The following TAS2R1 variants were observed in gnomAD, a reference collection of about 807,000 sequenced individuals.
TAS2R1 encodes the protein taste receptor type 2 member 1.
For missense variants in TAS2R1, 370 were observed against 353.4 expected, an observed-to-expected ratio of 1.05 and a Z score of -0.38; for synonymous variants, 141 against 134.2, an observed-to-expected ratio of 1.05 and a Z score of -0.35.
intron 1 of TAS2R1, among the ~76,000 whole-genome samples, chr5:9,660,662 A>C (rs1268161101): frequency 6.6e-6 from 1 of 152,182 alleles, no homozygotes; most frequent in Non-Finnish European, 1.5e-5. Context: ...CTATGTCACC[A>C]TACATGGCAA....
At chr5:9,686,727 T>C (rs1741131706) in intron 1 of TAS2R1, among the ~76,000 whole-genome samples, 1 of 152,194 alleles carries the variant, frequency 6.6e-6, no homozygotes, top group Admixed American at 6.5e-5. Context: ...TACGTTCACA[T>C]GACAGAAACT....
At chr5:9,765,985 G>T in the TAS2R1 span, among the ~76,000 whole-genome samples, 9 of 152,178 alleles carry the variant, frequency 5.9e-5, no homozygotes, top group Admixed American at 2.0e-4. Context: ...ATTTCTCTTT[G>T]TCTGGTGCTC....
Position 9,652,158 on chromosome 5 carries a change from C to T in TAS2R1, c.-81+7263G>A, listed in dbSNP as rs771827645. Among the ~76,000 whole-genome samples the T allele has an allele frequency of 5.8e-4, 89 of 152,314 alleles. 2 individuals are homozygous for T. The Middle Eastern group carries it at 0.014, about 23-fold the overall frequency. On this transcript the variant is annotated intron_variant, in intron 2 of 2. Transcript: ENST00000506620. ...GGAGACATAGTATCTCTCTGCATCC[C>T]ATGAGACATATCTTTCTTACACAAT...
At chr5:9,638,981 C>T (rs923930976) in intron 2 of TAS2R1, among the ~76,000 whole-genome samples, 8 of 152,186 alleles carry the variant, frequency 5.3e-5, no homozygotes, top group African/African-American at 1.9e-4. Context: ...TGCCCCCGCT[C>T]AGTGCCCAAG....
the TAS2R1 span, among the ~76,000 whole-genome samples, chr5:9,735,569 C>T: frequency 9.7e-3 from 1,453 of 149,438 alleles, 29 homozygotes; most frequent in African/African-American, 0.033. Context: ...TTCATTTTAA[C>T]CTCAGGTTTA....
chr5:9,673,466 T>C (rs766134681), intron 1 of TAS2R1, among the ~76,000 whole-genome samples: 30 of 152,112 alleles, frequency 2.0e-4, no homozygotes, highest in Non-Finnish European at 3.1e-4. Context: ...TTTTCTACAC[T>C]AATAAATGTT....
At chr5:9,812,719 G>A in the TAS2R1 span, among the ~76,000 whole-genome samples, 67 of 152,220 alleles carry the variant, frequency 4.4e-4, no homozygotes, top group African/African-American at 1.5e-3. Flanking sequence ...ACCACGGTAG[G>A]CGCTGGGAAT....
the TAS2R1 span, among the ~76,000 whole-genome samples, chr5:9,879,800 G>A: frequency 6.6e-6 from 1 of 152,176 alleles, no homozygotes; most frequent in Non-Finnish European, 1.5e-5. Context: ...AATGTCTACA[G>A]CTTTCCCCCA....
intron 1 of TAS2R1, among the ~76,000 whole-genome samples, chr5:9,685,387 G>A (rs190733626): frequency 6.6e-6 from 1 of 151,788 alleles, no homozygotes; most frequent in African/African-American, 2.4e-5. Context: ...CTTTTGGAGA[G>A]CTATAGATGT....
the TAS2R1 span, among the ~76,000 whole-genome samples, chr5:9,827,228 C>G: frequency 6.6e-6 from 1 of 152,114 alleles, no homozygotes; most frequent in South Asian, 2.1e-4. Context: ...TCAGGCTTCC[C>G]TTCACCTGTC....
the TAS2R1 span, among the ~76,000 whole-genome samples, chr5:9,858,708 T>C: frequency 6.6e-6 from 1 of 152,114 alleles, no homozygotes; most frequent in East Asian, 1.9e-4. Flanking sequence ...TAGAAGGAAA[T>C]TGGGAGTCTG....
chr5:9,757,445 C>T, the TAS2R1 span, among the ~76,000 whole-genome samples: 1 of 152,148 alleles, frequency 6.6e-6, no homozygotes, highest in East Asian at 1.9e-4. Flanking sequence ...TGAGAAGTGT[C>T]ATTCTGCAGC....
chr5:9,813,111 A>C, the TAS2R1 span, among the ~76,000 whole-genome samples: 1 of 152,204 alleles, frequency 6.6e-6, no homozygotes, highest in Admixed American at 6.5e-5. Context: ...GACCTTATCT[A>C]ATATGACTAG....
At chr5:9,872,276 T>C in the TAS2R1 span, among the ~76,000 whole-genome samples, 1 of 152,216 alleles carries the variant, frequency 6.6e-6, no homozygotes, top group Non-Finnish European at 1.5e-5. Flanking sequence ...CACACCCAGC[T>C]ATTTAACTTT....
the TAS2R1 span, among the ~76,000 whole-genome samples, chr5:9,751,857 A>T: frequency 6.6e-6 from 1 of 152,220 alleles, no homozygotes; most frequent in Non-Finnish European, 1.5e-5. Context: ...ACCTGCTCTC[A>T]GCTTTATTGT....
At chr5:9,672,501 C>T (rs1406096604) in intron 1 of TAS2R1, among the ~76,000 whole-genome samples, 2 of 152,124 alleles carry the variant, frequency 1.3e-5, no homozygotes, top group Non-Finnish European at 2.9e-5. Flanking sequence ...CAAGAGAAGA[C>T]ATACACACAA....
chr5:9,885,169 C>G, the TAS2R1 span, among the ~76,000 whole-genome samples: 1 of 152,194 alleles, frequency 6.6e-6, no homozygotes, highest in African/African-American at 2.4e-5. Context: ...AGTAGTCTGA[C>G]CTAGAACCCA....
the TAS2R1 span, among the ~76,000 whole-genome samples, chr5:9,875,884 G>A: frequency 8.5e-5 from 13 of 152,306 alleles, no homozygotes; most frequent in African/African-American, 3.1e-4. Context: ...TTTGGAAAGG[G>A]TTTAATCTCT....
At chr5:9,751,519 C>A in the TAS2R1 span, among the ~76,000 whole-genome samples, 1 of 152,144 alleles carries the variant, frequency 6.6e-6, no homozygotes, top group African/African-American at 2.4e-5. Context: ...AAAATGTCAT[C>A]TGTAAAAGGT....
Sources: gnomAD v4.1 joint callset for allele counts (sites outside exome capture counted in the v4.1 genomes callset) on GRCh38, gnomAD v4.1.1 for gene constraint, MANE v1.5 for transcripts, NCBI Gene and HGNC (gene_info 2026-07-23, HGNC 2026-07-21) for gene names.